The following ANK2 variants were observed in gnomAD, a reference collection of about 807,000 sequenced individuals.
The protein encoded by ANK2 is ankyrin-2.
In ANK2, 83 loss-of-function variants were observed where a neutral mutation model predicts 360.5. That is an observed-to-expected ratio of 0.23 (90% CI 0.19 to 0.28). The LOEUF (loss-of-function observed/expected upper bound fraction) is 0.28, where lower values mean the gene tolerates loss of function less well. ANK2 is among the 10% of genes least tolerant of loss of function. ANK2 has a pLI of 1.00. For missense variants in ANK2, 4,201 were observed against 4,795.7 expected, an observed-to-expected ratio of 0.88 and a Z score of 3.66; for synonymous variants, 1,740 against 1,759.5, an observed-to-expected ratio of 0.99 and a Z score of 0.28.
intron 1 of ANK2, among the ~76,000 whole-genome samples, chr4:113,072,953 CTTTTTTTTTTT>C (rs77468290): frequency 0.021 from 1,230 of 59,396 alleles, 50 homozygotes; most frequent in South Asian, 0.21. Context: ...AGGACAGTGT[CTTTTTTTTTTT>C]TTTTTTTTTT....
intron 2 of ANK2, among the ~76,000 whole-genome samples, chr4:112,923,985 A>T (rs2092087900): frequency 6.6e-6 from 1 of 152,224 alleles, no homozygotes; most frequent in Non-Finnish European, 1.5e-5. Flanking sequence ...GAAGAATGAT[A>T]TATAAAAATG....
chr4:112,919,879 T>TA (rs1437154989), intron 2 of ANK2, among the ~76,000 whole-genome samples: 1 of 152,134 alleles, frequency 6.6e-6, no homozygotes, highest in African/African-American at 2.4e-5. Context: ...TCTGTCAGCC[T>TA]AACTATAGCT....
At chr4:113,252,732 C>A (rs936780785) in intron 10 of ANK2, among the ~76,000 whole-genome samples, 1 of 152,190 alleles carries the variant, frequency 6.6e-6, no homozygotes, top group African/African-American at 2.4e-5. Flanking sequence ...CTCTGCCCAG[C>A]ACAAATTTCA....
intron 4 of ANK2, among the ~76,000 whole-genome samples, chr4:113,215,046 A>C (rs1299875223): frequency 6.6e-6 from 1 of 152,210 alleles, no homozygotes; most frequent in Admixed American, 6.5e-5. Context: ...TGTTATGTTT[A>C]AATAACATAT....
the ANK2 span, among the ~76,000 whole-genome samples, chr4:112,767,827 G>A: frequency 3.5e-4 from 53 of 152,090 alleles, no homozygotes; most frequent in Non-Finnish European, 6.6e-4. Flanking sequence ...GGACTTAATT[G>A]CCTCAAAAAG....
chr4:113,111,956 A>C (rs1438427468), intron 1 of ANK2, among the ~76,000 whole-genome samples: 1 of 152,134 alleles, frequency 6.6e-6, no homozygotes, highest in Non-Finnish European at 1.5e-5. Flanking sequence ...GGGTTTTGTC[A>C]TTTTTGTTAC....
intron 2 of ANK2, among the ~76,000 whole-genome samples, chr4:112,904,675 C>T (rs1580882514): frequency 6.6e-6 from 1 of 152,000 alleles, no homozygotes; most frequent in South Asian, 2.1e-4. Flanking sequence ...ATGTAATATA[C>T]TATAAGACTT....
chr4:112,751,076 C>T, the ANK2 span, among the ~76,000 whole-genome samples: 2 of 152,114 alleles, frequency 1.3e-5, no homozygotes, highest in Non-Finnish European at 2.9e-5. Context: ...AAGCAGCCAC[C>T]TCTCTGGTAG....
chr4:113,132,774 A>G (rs1179342030), intron 1 of ANK2, among the ~76,000 whole-genome samples: 4 of 152,050 alleles, frequency 2.6e-5, no homozygotes, highest in East Asian at 1.9e-4. Flanking sequence ...CAGCAGGGGG[A>G]TACAGCAATG....
the ANK2 span, among the ~76,000 whole-genome samples, chr4:112,723,486 C>T: frequency 1.3e-5 from 2 of 152,102 alleles, no homozygotes; most frequent in South Asian, 4.1e-4. Flanking sequence ...GCCTCAGCCT[C>T]CTGAGTAGCT....
the ANK2 span, among the ~76,000 whole-genome samples, chr4:112,749,443 T>C: frequency 6.6e-6 from 1 of 152,148 alleles, no homozygotes; most frequent in Admixed American, 6.6e-5. Context: ...CAATCACTTG[T>C]TTATGGACCC....
intron 7 of ANK2, among the ~76,000 whole-genome samples, chr4:113,239,228 A>G (rs547940873): frequency 8.5e-5 from 13 of 152,208 alleles, no homozygotes; most frequent in Middle Eastern, 3.4e-3. Flanking sequence ...AACTGTTCTT[A>G]TTTTGTGTCT....
At chr4:113,380,769 A>G (rs756397589) in intron 45 of ANK2, among the ~76,000 whole-genome samples, 5 of 152,224 alleles carry the variant, frequency 3.3e-5, no homozygotes, top group Non-Finnish European at 7.3e-5. Context: ...TGAGCAACAT[A>G]TGTGAGGCTT....
intron 2 of ANK2, among the ~76,000 whole-genome samples, chr4:112,941,644 TAAATATATAG>T (rs2094220448): frequency 6.9e-6 from 1 of 144,724 alleles, no homozygotes; most frequent in South Asian, 2.1e-4. Flanking sequence ...TATAAATATA[TAAATATATAG>T]ATATATATAA....
chr4:113,233,106 G>GTTTTTTTT lies in ANK2; in HGVS notation c.483+886_483+893dup, dbSNP rs1156385030. 5.9e-4 allele frequency among the ~76,000 whole-genome samples: 47 copies of GTTTTTTTT among 79,672 alleles called. 7 individuals carry two copies. Among genetic ancestry groups the GTTTTTTTT allele is most frequent in the East Asian group, 1.1e-3 (3 of 2,732 alleles). 52.3% of individuals were successfully genotyped at this position (79,672 alleles called of 152,430 possible). A position where few individuals can be genotyped will look rare whatever the true frequency, so the allele number is the denominator to read the frequency against. On this transcript the variant is annotated intron_variant, in intron 5 of 45. Transcript: ENST00000357077. The stretch of plus-strand genomic sequence containing the variant: ...CAGAGTATATGGGCTTGGCTTTTCT[G>GTTTTTTTT]TTTTTTTTTTTTTTTTTTTTTTTTT...
chr4:113,038,770 A>G (rs1416373436), intron 2 of ANK2, among the ~76,000 whole-genome samples: 3 of 152,180 alleles, frequency 2.0e-5, no homozygotes, highest in East Asian at 1.9e-4. Context: ...TCAAACCACC[A>G]TACAGTGAAA....
intron 43 of ANK2, chr4:113,372,575 G>T (rs1278839113): frequency 2.6e-6 from 4 of 1,535,974 alleles, no homozygotes; most frequent in Non-Finnish European, 3.5e-6. Context: ...CAGCTCAGAT[G>T]AGGAGGCGAT....
chr4:113,372,538 A>G, intron 43 of ANK2: 1 of 1,533,604 alleles, frequency 6.5e-7, no homozygotes, highest in Non-Finnish European at 8.7e-7. Context: ...ACCAGGAGCT[A>G]ACAGAGGAAT....
chr4:113,212,558 G>A (rs1487982738), intron 4 of ANK2, among the ~76,000 whole-genome samples: 2 of 152,176 alleles, frequency 1.3e-5, no homozygotes, highest in East Asian at 3.8e-4. Flanking sequence ...AAATGGATAA[G>A]AACGCAAATT....
Sources: gnomAD v4.1 joint callset for allele counts (sites outside exome capture counted in the v4.1 genomes callset) on GRCh38, gnomAD v4.1.1 for gene constraint, MANE v1.5 for transcripts, NCBI Gene and HGNC (gene_info 2026-07-23, HGNC 2026-07-21) for gene names.